Variants in CFAP47 observed in about 807,000 individuals in gnomAD.
CFAP47 encodes the protein cilia- and flagella-associated protein 47.
In CFAP47, 29 loss-of-function variants were observed where a neutral mutation model predicts 148.1. The observed-to-expected ratio is 0.20, with a 90% CI of 0.15 to 0.27. The LOEUF is 0.27. Among genes scored for constraint, CFAP47 ranks in the 10% least tolerant of loss-of-function variants. CFAP47 has a pLI of 1.00. For missense variants in CFAP47, 1,872 were observed against 1,697.5 expected, an observed-to-expected ratio of 1.10 and a Z score of -1.81; for synonymous variants, 664 against 577.3, an observed-to-expected ratio of 1.15 and a Z score of -2.15.
intron 27 of CFAP47, 77 bp from the exon 28 acceptor site, chrX:36,071,748 A>C (rs1937756659): frequency 4.5e-6 from 4 of 882,807 alleles, no homozygotes; most frequent in Non-Finnish European, 6.5e-6. Flanking sequence ...ATAATAGATA[A>C]ACTCAGGTTA....
intron 10 of CFAP47, among the ~76,000 whole-genome samples, chrX:35,968,401 A>C (rs896935266): frequency 9.0e-6 from 1 of 111,618 alleles, no homozygotes; most frequent in East Asian, 2.8e-4. Context: ...CCAAATCTCA[A>C]ATAAATTACT....
At chrX:36,236,486 C>A (rs1940467842) in intron 47 of CFAP47, among the ~76,000 whole-genome samples, 200 bp from the exon 48 acceptor site, 2 of 111,955 alleles carry the variant, frequency 1.8e-5, no homozygotes, top group Admixed American at 9.5e-5. Context: ...CAAGGGTAAT[C>A]AGAAATAAAT....
At chrX:36,354,951 TG>T (rs1310710063) in intron 60 of CFAP47, among the ~76,000 whole-genome samples, 1 of 110,959 alleles carries the variant, frequency 9.0e-6, no homozygotes, top group Admixed American at 9.6e-5. Flanking sequence ...AGATAACACG[TG>T]GAATGGTAGA....
chrX:36,380,690 G>T (rs1416037370), intron 63 of CFAP47, among the ~76,000 whole-genome samples: 1 of 112,225 alleles, frequency 8.9e-6, no homozygotes, highest in Non-Finnish European at 1.9e-5. Flanking sequence ...TGATCCACCC[G>T]CCTCGGCCTC....
intron 3 of CFAP47, among the ~76,000 whole-genome samples, chrX:35,947,244 G>C (rs1474556279): frequency 9.1e-6 from 1 of 110,220 alleles, no homozygotes; most frequent in Non-Finnish European, 1.9e-5. Flanking sequence ...GTGGTTATGT[G>C]TATGCAGATT....
intron 26 of CFAP47, among the ~76,000 whole-genome samples, chrX:36,065,242 T>C (rs1937626751): frequency 1.8e-5 from 2 of 111,559 alleles, no homozygotes; most frequent in Admixed American, 9.6e-5. Context: ...TAAAATGGGC[T>C]GTTTCTGTGT....
chrX:36,271,510 G>T (rs1368967139), intron 49 of CFAP47, among the ~76,000 whole-genome samples: 1 of 111,691 alleles, frequency 9.0e-6, no homozygotes, highest in East Asian at 2.8e-4. Flanking sequence ...GGTGATTAAT[G>T]TGCAGTATCT....
intron 53 of CFAP47, 35 bp downstream of exon 53, chrX:36,301,214 C>A: frequency 2.6e-6 from 2 of 782,380 alleles, no homozygotes; most frequent in Non-Finnish European, 3.7e-6. Flanking sequence ...TTATTGCTTG[C>A]AAGAAAAATA....
At chrX:36,080,573 A>G (rs1937957620) in intron 29 of CFAP47, among the ~76,000 whole-genome samples, 1 of 112,069 alleles carries the variant, frequency 8.9e-6, no homozygotes, top group African/African-American at 3.2e-5. Context: ...AATGTGGCAC[A>G]TATACACCAT....
At chrX:35,949,602 A>G (rs1298793165) in intron 4 of CFAP47, among the ~76,000 whole-genome samples, 1 of 111,440 alleles carries the variant, frequency 9.0e-6, no homozygotes, top group Non-Finnish European at 1.9e-5. Flanking sequence ...ATATGTTGGA[A>G]TGGTTTTACT....
chrX:36,311,730 T>C (rs1344821360), intron 56 of CFAP47, among the ~76,000 whole-genome samples: 1 of 111,334 alleles, frequency 9.0e-6, no homozygotes, highest in African/African-American at 3.2e-5. Flanking sequence ...AAGTATAATA[T>C]AGACATTACC....
intron 30 of CFAP47, among the ~76,000 whole-genome samples, chrX:36,090,919 T>C: frequency 9.0e-6 from 1 of 111,666 alleles, no homozygotes; most frequent in South Asian, 3.7e-4. Flanking sequence ...TAATTGCACC[T>C]AATTATGTTT....
At position 36,075,851 on chromosome X, in the gene CFAP47, A is replaced by G. The variant is rs764041589; in HGVS notation, c.4691+2487A>G. ...GTCCAGCTGCATCCATGTTGCTGCAAATGACATGATTTCATTCTTTTTTAT... is the reference window on the plus strand; with the variant it reads ...GTCCAGCTGCATCCATGTTGCTGCAGATGACATGATTTCATTCTTTTTTAT... On this transcript the variant is annotated intron_variant, in intron 29 of 63. Coordinates refer to ENST00000378653, the MANE Select transcript of CFAP47 (RefSeq NM_001304548.2). Among the ~76,000 whole-genome samples, 14 of 111,758 alleles carry G rather than the reference A, an allele frequency of 1.3e-4. No individual in the cohort carries two copies. The South Asian group carries it at 4.1e-3, about 33-fold the overall frequency.
chrX:36,366,548 T>C (rs1941878637), intron 61 of CFAP47, among the ~76,000 whole-genome samples: 1 of 111,977 alleles, frequency 8.9e-6, no homozygotes, highest in Non-Finnish European at 1.9e-5. Context: ...TACTTTCGCA[T>C]AATGTTTCAT....
At chrX:35,960,459 G>A (rs1322391777) in intron 8 of CFAP47, among the ~76,000 whole-genome samples, 2 of 102,389 alleles carry the variant, frequency 2.0e-5, no homozygotes, top group Admixed American at 2.2e-4. Flanking sequence ...GTCTATTTAG[G>A]GAATATTGCC....
chrX:36,283,367 G>A (rs1402545018), intron 50 of CFAP47, among the ~76,000 whole-genome samples: 3 of 111,631 alleles, frequency 2.7e-5, no homozygotes, highest in African/African-American at 6.5e-5. Flanking sequence ...GTCTAGTACT[G>A]TAGGAACTAA....
chrX:36,151,377 T>C (rs1939305308), intron 37 of CFAP47, among the ~76,000 whole-genome samples: 1 of 111,968 alleles, frequency 8.9e-6, no homozygotes, highest in Admixed American at 9.5e-5. Context: ...AGGCATTATA[T>C]GTAAATATTA....
chrX:36,314,881 G>C (rs912780795), intron 56 of CFAP47, among the ~76,000 whole-genome samples: 1 of 111,392 alleles, frequency 9.0e-6, no homozygotes, highest in African/African-American at 3.3e-5. Context: ...CATTTTGAAC[G>C]CTAACTGTAG....
chrX:36,303,245 G>T (rs1017190791), intron 53 of CFAP47, among the ~76,000 whole-genome samples: 15 of 111,704 alleles, frequency 1.3e-4, no homozygotes, highest in African/African-American at 4.6e-4. Context: ...GGAGCGCAGT[G>T]GTGCAATCAT....
Sources: allele counts gnomAD v4.1 joint callset (sites outside exome capture counted in the v4.1 genomes callset), GRCh38; gene constraint gnomAD v4.1.1; transcripts MANE v1.5; gene names NCBI Gene and HGNC (gene_info 2026-07-23, HGNC 2026-07-21).